Variants in RALGAPA1 observed in about 807,000 individuals in gnomAD.
RALGAPA1 encodes the protein Ral GTPase activating protein catalytic subunit alpha 1.
In RALGAPA1, 52 loss-of-function variants were observed where a neutral mutation model predicts 269.6. The ratio of observed to expected loss-of-function variants is 0.19; its 90% CI spans 0.15 to 0.24. The LOEUF (loss-of-function observed/expected upper bound fraction) is 0.24. Among genes scored for constraint, RALGAPA1 ranks in the 10% least tolerant of loss-of-function variants. The probability of loss-of-function intolerance (pLI) is 1.00; values close to 1 mark genes in which losing one functional copy is unlikely to be tolerated. For synonymous variants in RALGAPA1, 817 were observed against 1,008.3 expected (o/e 0.81, Z 3.60); for missense variants, 1,917 against 3,013.9 (o/e 0.64, Z 8.52).
rs1378060327 is a variant in RALGAPA1 at position 35,664,495 on chromosome 14, T to G, written c.5328+147A>C. The G allele has an allele frequency of 4.5e-6, 3 of 659,624 alleles. No homozygotes were observed. The African/African-American group carries it at 5.6e-5, about 12-fold the overall frequency. 40.9% of individuals were successfully genotyped at this position (659,624 alleles called of 1,614,324 possible). On this transcript the variant is annotated intron_variant, in intron 27 of 41. Coordinates refer to ENST00000680220, the MANE Select transcript of RALGAPA1 (RefSeq NM_001346249.2). Reference sequence around the variant, plus strand: ...AAAAGGATATGCTCCAAATGAACATTCAAGCCTTTGTGTCTGGAGGATATG... The same window carrying G: ...AAAAGGATATGCTCCAAATGAACATGCAAGCCTTTGTGTCTGGAGGATATG...
At chr14:35,632,350 T>C (rs1187248347) in intron 33 of RALGAPA1, among the ~76,000 whole-genome samples, 1 of 152,184 alleles carries the variant, frequency 6.6e-6, no homozygotes, top group Non-Finnish European at 1.5e-5. Context: ...TTTGTGTAAC[T>C]AGCATTCATT....
At chr14:35,599,968 C>T (rs1319066593) in intron 36 of RALGAPA1, among the ~76,000 whole-genome samples, 1 of 152,002 alleles carries the variant, frequency 6.6e-6, no homozygotes, top group East Asian at 1.9e-4. Flanking sequence ...CTATAGATTT[C>T]TTTTGATTTA....
intron 39 of RALGAPA1, chr14:35,564,622 T>G (rs951888256): frequency 6.6e-6 from 1 of 152,182 alleles, no homozygotes; most frequent in Non-Finnish European, 1.5e-5. Flanking sequence ...CTAAACAGAT[T>G]AGAAGAAATC....
chr14:35,770,734 T>A (rs761809968), intron 4 of RALGAPA1, among the ~76,000 whole-genome samples: 5 of 152,180 alleles, frequency 3.3e-5, no homozygotes, highest in African/African-American at 4.8e-5. Flanking sequence ...AAGGAAGCAG[T>A]GGATCCAAAA....
intron 20 of RALGAPA1, among the ~76,000 whole-genome samples, chr14:35,684,447 A>T (rs549955645): frequency 6.6e-6 from 1 of 152,344 alleles, no homozygotes; most frequent in African/African-American, 2.4e-5. Context: ...TGAGTGTGTG[A>T]AACAGTGGCA....
intron 4 of RALGAPA1, among the ~76,000 whole-genome samples, chr14:35,764,529 T>TTTTATTTATTTA (rs368091853): frequency 2.6e-5 from 4 of 151,806 alleles, no homozygotes; most frequent in African/African-American, 7.3e-5. Context: ...TGCAGATAAG[T>TTTTATTTATTTA]TTTATTTATT....
chr14:35,656,294 G>C (rs2140067812), intron 28 of RALGAPA1, among the ~76,000 whole-genome samples: 1 of 152,268 alleles, frequency 6.6e-6, no homozygotes, highest in South Asian at 2.1e-4. Context: ...GTAAAAACAT[G>C]AAGCTGATGG....
At chr14:35,671,181 T>G (rs1316548723) in intron 26 of RALGAPA1, among the ~76,000 whole-genome samples, 1 of 152,180 alleles carries the variant, frequency 6.6e-6, no homozygotes, top group Non-Finnish European at 1.5e-5. Context: ...TCCTCAACTT[T>G]AAATCCTGTT....
At chr14:35,796,820 G>C (rs2076596161) in intron 1 of RALGAPA1, among the ~76,000 whole-genome samples, 1 of 150,738 alleles carries the variant, frequency 6.6e-6, no homozygotes, top group African/African-American at 2.4e-5. Flanking sequence ...TCGCTCTGTT[G>C]CCTAGGCTGG....
chr14:35,601,403 T>C (rs2059284341), intron 36 of RALGAPA1, among the ~76,000 whole-genome samples: 1 of 152,212 alleles, frequency 6.6e-6, no homozygotes, highest in East Asian at 1.9e-4. Flanking sequence ...GGCACCTCAT[T>C]ACAGCCTCAT....
chr14:35,796,076 A>G (rs945098100), intron 1 of RALGAPA1, among the ~76,000 whole-genome samples: 4 of 152,218 alleles, frequency 2.6e-5, no homozygotes, highest in African/African-American at 4.8e-5. Flanking sequence ...CAGGATAAGA[A>G]AAGAGGATGA....
intron 39 of RALGAPA1, among the ~76,000 whole-genome samples, chr14:35,566,843 A>G (rs2139389119): frequency 1.3e-5 from 2 of 149,000 alleles, no homozygotes; most frequent in South Asian, 4.2e-4. Flanking sequence ...TCCCCCCAAC[A>G]TTTAGAATAT....
intron 21 of RALGAPA1, 74 bp downstream of exon 21, chr14:35,683,734 TC>T: frequency 8.7e-7 from 1 of 1,146,852 alleles, no homozygotes; most frequent in Non-Finnish European, 1.2e-6. Context: ...ACTTAAAATC[TC>T]TCAAAATTTT....
intron 39 of RALGAPA1, among the ~76,000 whole-genome samples, chr14:35,558,119 C>T (rs2055810733): frequency 6.6e-6 from 1 of 151,672 alleles, no homozygotes; most frequent in African/African-American, 2.4e-5. Flanking sequence ...AGGAAACAAC[C>T]CTCACATTAA....
intron 17 of RALGAPA1, among the ~76,000 whole-genome samples, chr14:35,690,784 T>C (rs1255886590): frequency 6.6e-6 from 1 of 152,136 alleles, no homozygotes; most frequent in African/African-American, 2.4e-5. Context: ...TTTTAAGAAT[T>C]ATAGGCTGGG....
intron 37 of RALGAPA1, among the ~76,000 whole-genome samples, chr14:35,585,444 T>C (rs1430600670): frequency 7.2e-4 from 9 of 12,460 alleles, no homozygotes; most frequent in Non-Finnish European, 1.2e-3. Flanking sequence ...CAAATGAAAA[T>C]GCAAAAGTTC....
At chr14:35,584,905 AT>A (rs2058181422) in intron 37 of RALGAPA1, among the ~76,000 whole-genome samples, 1 of 152,190 alleles carries the variant, frequency 6.6e-6, no homozygotes, top group African/African-American at 2.4e-5. Flanking sequence ...ATTAAAAGAG[AT>A]TGTCAGAGTG....
intron 35 of RALGAPA1, among the ~76,000 whole-genome samples, chr14:35,617,617 C>CTG (rs1207651423): frequency 2.6e-4 from 20 of 77,490 alleles, no homozygotes; most frequent in African/African-American, 8.4e-4. Flanking sequence ...AAACTCCATC[C>CTG]TGTGTGTGTG....
chr14:35,750,138 A>C (rs1430059438), intron 9 of RALGAPA1, among the ~76,000 whole-genome samples: 1 of 152,108 alleles, frequency 6.6e-6, no homozygotes, highest in Admixed American at 6.6e-5. Flanking sequence ...AATGCCCCCA[A>C]ATTAAAAAGG....
Sources: allele counts gnomAD v4.1 joint callset (sites outside exome capture counted in the v4.1 genomes callset), GRCh38; gene constraint gnomAD v4.1.1; transcripts MANE v1.5; gene names NCBI Gene and HGNC (gene_info 2026-07-23, HGNC 2026-07-21).